MAP2K4: variants seen among roughly 807,000 people sequenced by gnomAD.
MAP2K4 encodes dual specificity mitogen-activated protein kinase kinase 4.
In MAP2K4, 4 loss-of-function variants were observed where a neutral mutation model predicts 48.5. That is an observed-to-expected ratio of 0.08 (90% CI 0.04 to 0.19). The LOEUF is 0.19. Ranked by LOEUF, MAP2K4 falls within the 10% of genes least tolerant of loss-of-function variation. The pLI is 1.00. For synonymous variants in MAP2K4, 166 were observed against 173.1 expected (o/e 0.96, Z 0.32); for missense variants, 258 against 493.3 (o/e 0.52, Z 4.52).
At chr17:12,125,018 C>G (rs1485415510) in intron 7 of MAP2K4, 1 of 393,970 alleles carries the variant, frequency 2.5e-6, no homozygotes, top group East Asian at 4.3e-5. Flanking sequence ...CCTTTGTCTC[C>G]CTCTTCCCTC....
intron 3 of MAP2K4, among the ~76,000 whole-genome samples, chr17:12,086,224 G>A (rs765215325): frequency 2.6e-5 from 4 of 152,126 alleles, no homozygotes; most frequent in East Asian, 3.9e-4. Flanking sequence ...ATCTTAGGCC[G>A]TCGTTCGGTC....
rs1971193256 is a variant in MAP2K4, at chr17:12,081,752, G to T, written c.393+222G>T. Reference sequence around the variant, plus strand: ...AGTGTATGAAGTGTGCATGTTGATTGCATTTTTGGCATGATGCATTAACAT... The same window carrying T: ...AGTGTATGAAGTGTGCATGTTGATTTCATTTTTGGCATGATGCATTAACAT... On this transcript the variant is annotated intron_variant, in intron 3 of 10. Transcript: ENST00000353533. The surrounding 1 kb of genome is among the most constrained non-coding windows in gnomAD (Gnocchi z 4.2). 3.6e-6 allele frequency: 2 copies of T among 562,456 alleles called. No individual in the cohort carries two copies. Among genetic ancestry groups the T allele is most frequent in the East Asian group, 3.2e-5 (1 of 31,162 alleles). 34.8% of individuals were successfully genotyped at this position (562,456 alleles called of 1,614,324 possible). A position where few individuals can be genotyped will look rare whatever the true frequency, so the allele number is the denominator to read the frequency against.
chr17:12,099,102 T>C lies in MAP2K4; in HGVS notation c.513+3408T>C, dbSNP rs74848097. On this transcript the variant is annotated intron_variant, in intron 4 of 10. Coordinates refer to ENST00000353533, the MANE Select transcript of MAP2K4 (RefSeq NM_003010.4). ...GGTCTCCAGTTCCGTATTCTGTCCA[T>C]GTGTGCACATGATTTAGCTCCCCCT... is the stretch of plus-strand genomic sequence containing the variant. Among the ~76,000 whole-genome samples the C allele has an allele frequency of 1.3e-3, 205 of 152,146 alleles. No homozygotes were observed. In the East Asian group the frequency reaches 0.032, roughly 23 times the overall value.
At chr17:12,063,299 G>C (rs57427608) in intron 2 of MAP2K4, among the ~76,000 whole-genome samples, 1 of 152,032 alleles carries the variant, frequency 6.6e-6, no homozygotes, top group African/African-American at 2.4e-5. Context: ...AAGGATAAAC[G>C]AATAGATCAA....
rs543754852 is a variant in MAP2K4, at chr17:12,140,913, A to C, written c.1087-234A>C. Reference sequence around the variant, plus strand: ...AGATGAGTTTCCAGACCTCACTGCCAAGGTGGCACCTTCAGATCATTACCA... The same window carrying C: ...AGATGAGTTTCCAGACCTCACTGCCCAGGTGGCACCTTCAGATCATTACCA... On this transcript the variant is annotated intron_variant, in intron 10 of 10. Coordinates refer to ENST00000353533, the MANE Select transcript of MAP2K4 (RefSeq NM_003010.4). Among the ~76,000 whole-genome samples the C allele has an allele frequency of 3.9e-5, 6 of 152,268 alleles. No homozygotes were observed. The East Asian group carries it at 1.2e-3, about 29-fold the overall frequency.
rs1217729861 is a variant in MAP2K4 at position 12,141,497 on chromosome 17, T to C, written c.*237T>C. ...GAGACCTCATCCTGCTCTTTTGTGA[T>C]GAACATATTCATGAAATGTGGAAGT... On this transcript the variant is annotated 3_prime_UTR_variant, in exon 11 of 11. Coordinates refer to ENST00000353533, the MANE Select transcript of MAP2K4 (RefSeq NM_003010.4). The C allele has an allele frequency of 1.2e-5, 6 of 509,982 alleles. No individual in the cohort carries two copies. The highest frequency in any genetic ancestry group is 2.1e-5 in the Non-Finnish European group (6 of 285,456). The allele number at this position is 509,982 out of a possible 1,614,324, so 31.6% of individuals were successfully genotyped here.
Position 12,057,632 on chromosome 17 carries a change from TA to T in MAP2K4, c.218+2642del, listed in dbSNP as rs566114838. Reference sequence around the variant, plus strand: ...TGATACATTTCCTTCATGTTTTTCCTATCATCTTCTCCTGAAACTTGTGTTA... The same window carrying T: ...TGATACATTTCCTTCATGTTTTTCCTTCATCTTCTCCTGAAACTTGTGTTA... On this transcript the variant is annotated intron_variant, in intron 2 of 10. Coordinates refer to ENST00000353533, the MANE Select transcript of MAP2K4 (RefSeq NM_003010.4). Among the ~76,000 whole-genome samples, 350 of 152,278 alleles carry T rather than the reference TA, an allele frequency of 2.3e-3. 5 individuals are homozygous for T. Among genetic ancestry groups the T allele is most frequent in the African/African-American group, 7.5e-3 (311 of 41,540 alleles).
chr17:12,093,714 A>G (rs898875562), intron 3 of MAP2K4, among the ~76,000 whole-genome samples: 1 of 152,126 alleles, frequency 6.6e-6, no homozygotes, highest in African/African-American at 2.4e-5. Flanking sequence ...AGAGGTAGAA[A>G]TCTTCCCCAA....
At chr17:12,070,929 G>A (rs548860543) in intron 2 of MAP2K4, among the ~76,000 whole-genome samples, 1 of 152,330 alleles carries the variant, frequency 6.6e-6, no homozygotes, top group East Asian at 1.9e-4. Context: ...CAGTTCTAGA[G>A]GCCAGAAATC....
At chr17:12,055,027 C>A in intron 2 of MAP2K4, 36 bp downstream of exon 2, 2 of 1,338,168 alleles carry the variant, frequency 1.5e-6, no homozygotes, top group Non-Finnish European at 2.1e-6. Flanking sequence ...TCAACTCAAG[C>A]AAAGATTTTA....
intron 1 of MAP2K4, chr17:12,032,376 G>A (rs1969467138): frequency 3.2e-6 from 2 of 634,844 alleles, no homozygotes; most frequent in South Asian, 5.6e-5. Flanking sequence ...GTCCACTATT[G>A]TTTCAGCTAA....
intron 9 of MAP2K4, among the ~76,000 whole-genome samples, chr17:12,134,610 A>T (rs1973144002): frequency 6.6e-6 from 1 of 152,230 alleles, no homozygotes; most frequent in Non-Finnish European, 1.5e-5. Flanking sequence ...TAAAATTAAA[A>T]TTCCTTCTAC....
chr17:12,024,813 G>A (rs1969205839), intron 1 of MAP2K4, among the ~76,000 whole-genome samples: 1 of 152,144 alleles, frequency 6.6e-6, no homozygotes, highest in African/African-American at 2.4e-5. Context: ...TTGACTTGTA[G>A]CATTCAAGAA....
At chr17:12,124,859 TA>T (rs1274392723) in intron 7 of MAP2K4, 1 of 159,970 alleles carries the variant, frequency 6.3e-6, no homozygotes, top group Non-Finnish European at 1.4e-5. Flanking sequence ...GTATTTTTAG[TA>T]GAGATGGGGT....
intron 1 of MAP2K4, among the ~76,000 whole-genome samples, chr17:12,029,310 A>T (rs1006823905): frequency 1.3e-5 from 2 of 152,212 alleles, no homozygotes; most frequent in Non-Finnish European, 2.9e-5. Context: ...ATATTGATTC[A>T]TCAGTGTCAA....
chr17:12,040,521 C>T (rs1969744028), intron 1 of MAP2K4, among the ~76,000 whole-genome samples: 2 of 152,184 alleles, frequency 1.3e-5, no homozygotes, highest in East Asian at 1.9e-4. Flanking sequence ...TAATCAAAAG[C>T]CACGTCAAGT....
intron 2 of MAP2K4, among the ~76,000 whole-genome samples, chr17:12,080,300 T>G (rs1971148628): frequency 6.6e-6 from 1 of 152,248 alleles, no homozygotes; most frequent in Non-Finnish European, 1.5e-5. Flanking sequence ...AAAGAGATCC[T>G]GATCATTTAG....
At chr17:12,069,690 T>G (rs1193275875) in intron 2 of MAP2K4, 1 of 1,012,788 alleles carries the variant, frequency 9.9e-7, no homozygotes, top group Non-Finnish European at 1.2e-6. Context: ...TTGTTGGTAG[T>G]GCCAGGAAGC....
Position 12,060,323 on chromosome 17 carries a change from C to T in MAP2K4, c.218+5332C>T, listed in dbSNP as rs149591147. Reference sequence around the variant, plus strand: ...GGCATTGAATTAGAATAGCGACATACACTATTTTATATAATGAATAGGAAG... The same window carrying T: ...GGCATTGAATTAGAATAGCGACATATACTATTTTATATAATGAATAGGAAG... On this transcript the variant is annotated intron_variant, in intron 2 of 10. Coordinates refer to ENST00000353533, the MANE Select transcript of MAP2K4 (RefSeq NM_003010.4). 3.5e-3 allele frequency among the ~76,000 whole-genome samples: 531 copies of T among 152,222 alleles called. 3 individuals carry two copies. Among genetic ancestry groups the T allele is most frequent in the African/African-American group, 0.012 (513 of 41,524 alleles).
Sources: allele counts gnomAD v4.1 joint callset (sites outside exome capture counted in the v4.1 genomes callset), GRCh38; gene constraint gnomAD v4.1.1; non-coding constraint Gnocchi (gnomAD v3.1); transcripts MANE v1.5; gene names NCBI Gene and HGNC (gene_info 2026-07-23, HGNC 2026-07-21).